Variants in MYH4 observed in about 807,000 individuals in gnomAD.
MYH4 encodes myosin-4.
In MYH4, 200 loss-of-function variants were observed where a neutral mutation model predicts 229.9. The observed-to-expected ratio is 0.87, with a 90% confidence interval of 0.78 to 0.98. MYH4 has a LOEUF of 0.98. Ranked by LOEUF, MYH4 falls within the 50% of genes least tolerant of loss-of-function variation. The pLI is 0.00. For synonymous variants in MYH4, 761 were observed against 834.6 expected (o/e 0.91, Z 1.52); for missense variants, 2,148 against 2,332.6 (o/e 0.92, Z 1.63).
At chr17:10,458,036 C>A (rs2072660744) in intron 15 of MYH4, among the ~76,000 whole-genome samples, 1 of 152,202 alleles carries the variant, frequency 6.6e-6, no homozygotes, top group South Asian at 2.1e-4. Context: ...TATCTGACTA[C>A]TTTCTTTCCT....
At chr17:10,465,414 G>A in intron 5 of MYH4, 28 bp downstream of exon 5, 1 of 1,611,038 alleles carries the variant, frequency 6.2e-7, no homozygotes, top group Non-Finnish European at 8.5e-7. Flanking sequence ...TTTTACAAAT[G>A]GCTATGGAAA....
In MYH4 at chr17:10,459,992, A is replaced by G. The variant is rs1346665790; in HGVS notation, c.1376T>C (p.Phe459Ser). The G allele has an allele frequency of 1.2e-6, 2 of 1,613,944 alleles. No individual in the cohort carries two copies. The highest frequency in any genetic ancestry group is 2.7e-5 in the African/African-American group (2 of 74,914). The change falls in exon 14 of 40, where the codon TTC (phenylalanine) becomes TCC (serine). Residue 459 changes from phenylalanine to serine, a missense_variant. Physicochemically the swap from Phe to Ser is radical, Grantham distance 155. Coordinates refer to ENST00000255381, the MANE Select transcript of MYH4 (RefSeq NM_017533.2). ...QLDTKQPRQY[F>S]IGVLDIAGFE... Reference sequence around the variant, plus strand: ...GCCAGCAATGTCCAAGACCCCGATGAAGTACTGCCTGGGCTGCTTGGTGTC... The same window carrying G: ...GCCAGCAATGTCCAAGACCCCGATGGAGTACTGCCTGGGCTGCTTGGTGTC...
chr17:10,443,614 G>A lies in MYH4; in HGVS notation c.5668-87C>T. 1 of 1,422,130 alleles carries A rather than the reference G, an allele frequency of 7.0e-7. No homozygotes were observed. The highest frequency in any genetic ancestry group is 9.6e-7 in the Non-Finnish European group (1 of 1,043,564). 88.1% of individuals were successfully genotyped at this position (1,422,130 alleles called of 1,614,324 possible). On this transcript the variant is annotated intron_variant, in intron 39 of 39. Transcript: ENST00000255381. The surrounding 1 kb of genome is among the most constrained non-coding windows in gnomAD (Gnocchi z 4.6). ...TTTGTTACTTCAGGATTTGCCTCAT[G>A]AATGAGAAAGAAAAAGGCTCCGTTG...
At position 10,443,967 on chromosome 17, in the gene MYH4, T is replaced by TGAGA. The variant is rs1047468238; in HGVS notation, c.5668-444_5668-441dup. Among the ~76,000 whole-genome samples the TGAGA allele has an allele frequency of 3.9e-5, 6 of 152,004 alleles. No individual in the cohort carries two copies. Among genetic ancestry groups the TGAGA allele is most frequent in the Non-Finnish European group, 1.5e-5 (1 of 67,994 alleles). ...TTTATTATTTAGTAACATAGTTATT[T>TGAGA]GAGAGCAAGGCATCCCACAAACTCG... On this transcript the variant is annotated intron_variant, in intron 39 of 39. Coordinates refer to ENST00000255381, the MANE Select transcript of MYH4 (RefSeq NM_017533.2). This position sits in a 1 kb window ranked among gnomAD's most constrained non-coding sequence, Gnocchi z 4.6.
intron 19 of MYH4, 119 bp downstream of exon 19, chr17:10,455,495 A>T: frequency 7.1e-7 from 1 of 1,411,622 alleles, no homozygotes; most frequent in Non-Finnish European, 9.7e-7. Context: ...TCTTTCTTTT[A>T]TGATCAATTT....
At position 10,447,145 on chromosome 17, in the gene MYH4, C is replaced by T; in HGVS notation, c.5037G>A (p.Glu1679=). 1.9e-6 allele frequency: 3 copies of T among 1,614,134 alleles called. No individual in the cohort carries two copies. The highest frequency in any genetic ancestry group is 1.1e-5 in the South Asian group (1 of 91,084). Residue 1679 remains glutamate, a synonymous_variant, in exon 35 of 40, where the codon GAG becomes GAA. Coordinates refer to ENST00000255381, the MANE Select transcript of MYH4 (RefSeq NM_017533.2). ...CAGCCTGCATCAGGTTAGCTCTGCG[C>T]TCAACCATTGCCAGTTGTTCCTTAA... ...DDLKEQLAMV[E]RRANLMQAEV...
chr17:10,448,793 T>C lies in MYH4; in HGVS notation c.4366-10A>G, dbSNP rs2072541515. 1.2e-6 allele frequency: 2 copies of C among 1,613,502 alleles called. No individual in the cohort carries two copies. Among genetic ancestry groups the C allele is most frequent in the Non-Finnish European group, 1.7e-6 (2 of 1,179,804 alleles). ...TCCATTCTGCCAGAACCTGGAAGTA[T>C]ATAGAAAATAAGCCTTTGAAACCAA... On this transcript the variant is annotated splice_polypyrimidine_tract_variant and intron_variant, in intron 31 of 39. Coordinates refer to ENST00000255381, the MANE Select transcript of MYH4 (RefSeq NM_017533.2).
intron 16 of MYH4, 39 bp downstream of exon 16, chr17:10,457,381 T>C: frequency 6.5e-7 from 1 of 1,544,924 alleles, no homozygotes; most frequent in Non-Finnish European, 8.7e-7. Flanking sequence ...TATATCTATT[T>C]TGTGACTCTT....
At position 10,445,278 on chromosome 17, in the gene MYH4, C is replaced by T; in HGVS notation, c.5254G>A (p.Ala1752Thr). Residue 1752 changes from alanine to threonine, a missense_variant, in exon 36 of 40, where the codon GCC becomes ACC. Transcript: ENST00000255381. ...QGEMEDIVQEARNAEEKAKKA... is the reference protein window; with the variant it reads ...QGEMEDIVQETRNAEEKAKKA... Reference sequence around the variant, plus strand: ...TTGGCCTTCTCCTCTGCATTGCGGGCTTCCTGGACGATGTCCTCCATCTCT... The same window carrying T: ...TTGGCCTTCTCCTCTGCATTGCGGGTTTCCTGGACGATGTCCTCCATCTCT... 6.2e-7 allele frequency: 1 copy of T among 1,614,162 alleles called. No individual in the cohort carries two copies. The highest frequency in any genetic ancestry group is 2.2e-5 in the East Asian group (1 of 44,882).
In MYH4 at chr17:10,453,251, C is replaced by T. The variant is rs779295284; in HGVS notation, c.3012G>A (p.Gln1004=). 6.2e-7 allele frequency: 1 copy of T among 1,614,050 alleles called. No individual in the cohort carries two copies. Among genetic ancestry groups the T allele is most frequent in the South Asian group, 1.1e-5 (1 of 91,080 alleles). Residue 1004 remains glutamine (Q), a synonymous_variant, in exon 24 of 40, where the codon CAG becomes CAA. Coordinates refer to ENST00000255381, the MANE Select transcript of MYH4 (RefSeq NM_017533.2). ...AKLTKEKKAL[Q]EAHQQTLDDL... ...CATCCAGGGTCTGCTGGTGGGCCTC[C>T]TGGAGAGCCTTCTTCTCCTTGGTCA...
intron 28 of MYH4, 129 bp from the exon 29 acceptor site, chr17:10,451,024 GAGA>G: frequency 4.6e-6 from 4 of 878,424 alleles, no homozygotes; most frequent in Non-Finnish European, 1.8e-6. Flanking sequence ...CAGTGATGTT[GAGA>G]AGGTTATTTC....
At chr17:10,451,653 A>C (rs1273525593) in intron 27 of MYH4, among the ~76,000 whole-genome samples, 2 of 152,194 alleles carry the variant, frequency 1.3e-5, no homozygotes, top group Middle Eastern at 3.2e-3. Flanking sequence ...ATTCTCTTTG[A>C]AAGTGTGAAC....
At position 10,455,178 on chromosome 17, in the gene MYH4, A is replaced by G; in HGVS notation, c.2292T>C (p.His764=). ...EIDHTQYKFG[H]TKVFFKAGLL... ...AAATTTGGACTGGTGATACCTTGGT[A>G]TGACCGAATTTGTACTGGGTGTGGT... Residue 764 remains histidine (H), a synonymous_variant, in exon 20 of 40, where the codon CAT becomes CAC. Transcript: ENST00000255381. 6 of 1,614,202 alleles carry G rather than the reference A, an allele frequency of 3.7e-6. No individual in the cohort carries two copies. The highest frequency in any genetic ancestry group is 5.1e-6 in the Non-Finnish European group (6 of 1,180,022).
chr17:10,450,789 T>C lies in MYH4; in HGVS notation c.3972A>G (p.Glu1324=). The C allele has an allele frequency of 6.2e-7, 1 of 1,613,778 alleles. No individual in the cohort carries two copies. Among genetic ancestry groups the C allele is most frequent in the South Asian group, 1.1e-5 (1 of 91,084 alleles). Residue 1324 remains glutamate, a synonymous_variant, in exon 29 of 40, where the codon GAA becomes GAG. Transcript: ENST00000255381. ...GGAGAATTCTCACCTTAGTCTCCTCTTCTAGCTGCCTCTTTAATTCTTCAA... is the reference window on the plus strand; with the variant it reads ...GGAGAATTCTCACCTTAGTCTCCTCCTCTAGCTGCCTCTTTAATTCTTCAA... ...QQIEELKRQL[E]EETKAKSTLA...
At position 10,448,938 on chromosome 17, in the gene MYH4, C is replaced by A; in HGVS notation, c.4291G>T (p.Asp1431Tyr). ...GATCGTTCCACATCAATCATGAGGT[C>A]CTCTACTTCATTCTGTAGCCTCTGC... ...TKQRLQNEVEDLMIDVERSNA... is the reference protein window; with the variant it reads ...TKQRLQNEVEYLMIDVERSNA... The change falls in exon 31 of 40, where the codon GAC (aspartate) becomes TAC (tyrosine). Residue 1431 changes from aspartate (D) to tyrosine (Y), a missense_variant. Asp to Tyr is a radical substitution (Grantham distance 160). Coordinates refer to ENST00000255381, the MANE Select transcript of MYH4 (RefSeq NM_017533.2). 6.2e-7 allele frequency: 1 copy of A among 1,614,112 alleles called. No individual in the cohort carries two copies. The highest frequency in any genetic ancestry group is 1.1e-5 in the South Asian group (1 of 91,084).
rs373674292 is a variant in MYH4 at position 10,455,292 on chromosome 17, G to T, written c.2178C>A (p.Tyr726Ter). ...GGATAGCACTCGCATTTAGAACCTT[G>T]TATCTGTCAGAATAAAAAGAATATA... is the stretch of plus-strand genomic sequence containing the variant. ...RILYADFKQR[Y>*]KVLNASAIPE... Residue 726 changes from tyrosine to a stop codon, truncating the protein, a stop_gained, in exon 20 of 40, where the codon TAC becomes TAA. Coordinates refer to ENST00000255381, the MANE Select transcript of MYH4 (RefSeq NM_017533.2). LOFTEE classifies it high-confidence loss of function. The T allele has an allele frequency of 1.1e-5, 18 of 1,609,672 alleles. No homozygotes were observed. The Admixed American group carries it at 1.4e-4, about 12-fold the overall frequency.
In MYH4 at chr17:10,460,051, G is replaced by A. The variant is rs772119364; in HGVS notation, c.1317C>T (p.Phe439=). Residue 439 remains phenylalanine (F), a synonymous_variant, in exon 14 of 40, where the codon TTC becomes TTT. Transcript: ENST00000255381. Reference sequence around the variant, plus strand: ...GGTTGATGCGGGTGACCATCCACAGGAACATCTTCTCGTAGATGGCTTTGG... The same window carrying A: ...GGTTGATGCGGGTGACCATCCACAGAAACATCTTCTCGTAGATGGCTTTGG... ...ALAKAIYEKM[F]LWMVTRINQQ... The A allele has an allele frequency of 6.2e-7, 1 of 1,614,124 alleles. No homozygotes were observed. The highest frequency in any genetic ancestry group is 8.5e-7 in the Non-Finnish European group (1 of 1,180,014).
At chr17:10,469,250 C>A (rs1166282452) in intron 2 of MYH4, 38 bp downstream of exon 2, 2 of 152,082 alleles carry the variant, frequency 1.3e-5, no homozygotes, top group Non-Finnish European at 1.5e-5. Context: ...TATAGAGATT[C>A]CTTTGTTCTT....
chr17:10,447,289 T>G lies in MYH4; in HGVS notation c.4966-73A>C, dbSNP rs370643782. The G allele has an allele frequency of 4.8e-5, 62 of 1,302,710 alleles. No individual in the cohort carries two copies. In the East Asian group the frequency reaches 1.3e-3, roughly 27 times the overall value. The allele number at this position is 1,302,710 out of a possible 1,614,324, so 80.7% of individuals were successfully genotyped here. On this transcript the variant is annotated intron_variant, in intron 34 of 39. Coordinates refer to ENST00000255381, the MANE Select transcript of MYH4 (RefSeq NM_017533.2). Reference sequence around the variant, plus strand: ...AATGCAAACTTATGGTCATGTACACTCTTTGATCTTAATGACTTAGAGTAT... The same window carrying G: ...AATGCAAACTTATGGTCATGTACACGCTTTGATCTTAATGACTTAGAGTAT...
Sources: gnomAD v4.1 joint callset for allele counts (sites outside exome capture counted in the v4.1 genomes callset) on GRCh38, gnomAD v4.1.1 for gene constraint, Gnocchi (gnomAD v3.1) non-coding constraint, MANE v1.5 for transcripts, NCBI Gene and HGNC (gene_info 2026-07-23, HGNC 2026-07-21) for gene names.